Variants in DPY19L1 observed in about 807,000 individuals in gnomAD.
The protein encoded by DPY19L1 is protein C-mannosyl-transferase DPY19L1.
A neutral mutation model predicts 96.9 loss-of-function variants in DPY19L1; 35 were observed. The ratio of observed to expected loss-of-function variants is 0.36; its 90% CI spans 0.28 to 0.48. The LOEUF is 0.48. Ranked by LOEUF, DPY19L1 falls within the 20% of genes least tolerant of loss-of-function variation. The probability of loss-of-function intolerance (pLI) is 0.99; values close to 1 mark genes in which losing one functional copy is unlikely to be tolerated. For missense variants in DPY19L1, 521 were observed against 777.9 expected, an observed-to-expected ratio of 0.67 and a Z score of 3.93; for synonymous variants, 205 against 252.6, an observed-to-expected ratio of 0.81 and a Z score of 1.79.
chr7:34,983,639 A>G (rs1784987100), intron 7 of DPY19L1, among the ~76,000 whole-genome samples: 1 of 150,658 alleles, frequency 6.6e-6, no homozygotes, highest in South Asian at 2.1e-4. Context: ...ACTCCTATAC[A>G]TGGCAAGAGA....
chr7:34,937,485 C>T (rs1252037010), intron 21 of DPY19L1, among the ~76,000 whole-genome samples: 1 of 152,058 alleles, frequency 6.6e-6, no homozygotes, highest in Non-Finnish European at 1.5e-5. Flanking sequence ...ATAAAAGTTT[C>T]TTTTAAAACA....
chr7:34,969,209 A>G (rs951891738), intron 9 of DPY19L1, among the ~76,000 whole-genome samples: 1 of 152,226 alleles, frequency 6.6e-6, no homozygotes, highest in African/African-American at 2.4e-5. Context: ...GTTAGGAAGT[A>G]AATAATTAAC....
intron 7 of DPY19L1, among the ~76,000 whole-genome samples, chr7:34,985,215 C>G (rs1039764246): frequency 1.3e-5 from 2 of 152,096 alleles, no homozygotes; most frequent in African/African-American, 4.8e-5. Flanking sequence ...AATGGGGAAT[C>G]AGGAAACTTG....
At chr7:35,021,740 G>A (rs1785999389) in intron 1 of DPY19L1, among the ~76,000 whole-genome samples, 2 of 152,154 alleles carry the variant, frequency 1.3e-5, no homozygotes, top group African/African-American at 4.8e-5. Flanking sequence ...CTGCATGGCT[G>A]TTGTAGAAAG....
intron 11 of DPY19L1, among the ~76,000 whole-genome samples, chr7:34,956,338 A>C (rs1214372942): frequency 6.6e-6 from 1 of 152,198 alleles, no homozygotes; most frequent in Non-Finnish European, 1.5e-5. Flanking sequence ...CAGAGAACAC[A>C]GAACTGAAGA....
At chr7:34,945,184 C>T (rs1445408689) in intron 16 of DPY19L1, among the ~76,000 whole-genome samples, 2 of 151,744 alleles carry the variant, frequency 1.3e-5, no homozygotes, top group Non-Finnish European at 2.9e-5. Context: ...ACCAAGCATG[C>T]TATAGGCCTC....
chr7:34,935,711 A>G (rs889119095), intron 21 of DPY19L1, among the ~76,000 whole-genome samples: 2 of 152,218 alleles, frequency 1.3e-5, no homozygotes, highest in African/African-American at 2.4e-5. Context: ...CAGGCTGATC[A>G]TAACTGAAAT....
intron 6 of DPY19L1, among the ~76,000 whole-genome samples, chr7:34,992,390 C>G (rs1311618989): frequency 6.6e-6 from 1 of 152,064 alleles, no homozygotes; most frequent in Non-Finnish European, 1.5e-5. Flanking sequence ...AAAAAAACAA[C>G]CCCTTTAAGC....
At position 34,929,404 on chromosome 7, in the gene DPY19L1, C is replaced by T. The variant is rs1278917197; in HGVS notation, c.*2169G>A. ...GGGGTTACATTCATAAACACTGCTA[C>T]AAAAGGATCCTTCTGGAAAAAGCTA... On this transcript the variant is annotated 3_prime_UTR_variant, in exon 22 of 22. Transcript: ENST00000638088. 9 of 152,134 alleles carry T rather than the reference C, an allele frequency of 5.9e-5. No homozygotes were observed. Among genetic ancestry groups the T allele is most frequent in the Admixed American group, 5.9e-4 (9 of 15,276 alleles). 9.4% of individuals were successfully genotyped at this position (152,134 alleles called of 1,614,324 possible).
chr7:34,968,883 C>G (rs1460758632), intron 9 of DPY19L1, among the ~76,000 whole-genome samples: 2 of 151,638 alleles, frequency 1.3e-5, no homozygotes, highest in African/African-American at 4.9e-5. Context: ...AATTTACTCC[C>G]TCTCTCAACA....
At chr7:34,990,094 C>T (rs1785134854) in intron 6 of DPY19L1, among the ~76,000 whole-genome samples, 153 bp from the exon 7 acceptor site, 1 of 151,224 alleles carries the variant, frequency 6.6e-6, no homozygotes, top group African/African-American at 2.5e-5. Flanking sequence ...TAGTTTATTT[C>T]CTCCAAAAGA....
At chr7:34,934,170 A>G (rs886613612) in intron 21 of DPY19L1, among the ~76,000 whole-genome samples, 2 of 152,002 alleles carry the variant, frequency 1.3e-5, no homozygotes, top group Admixed American at 1.3e-4. Context: ...TCACCGTGTT[A>G]GCCAAGATGG....
At chr7:34,979,638 AC>A (rs1784898688) in intron 7 of DPY19L1, among the ~76,000 whole-genome samples, 1 of 152,114 alleles carries the variant, frequency 6.6e-6, no homozygotes, top group Admixed American at 6.5e-5. Flanking sequence ...TGTTTCTGGA[AC>A]CTTTTTGAGT....
intron 7 of DPY19L1, among the ~76,000 whole-genome samples, chr7:34,985,750 G>C (rs1289344143): frequency 1.3e-5 from 2 of 151,996 alleles, no homozygotes; most frequent in African/African-American, 2.4e-5. Flanking sequence ...AGTCATTTTA[G>C]AAAACTATGT....
chr7:34,973,671 G>T (rs376262276), intron 7 of DPY19L1, 66 bp from the exon 8 acceptor site: 19 of 821,964 alleles, frequency 2.3e-5, no homozygotes, highest in African/African-American at 2.2e-4. Context: ...AGTAAAAATT[G>T]CTATTTATAA....
intron 4 of DPY19L1, among the ~76,000 whole-genome samples, chr7:35,011,718 TAA>T (rs562257388): frequency 7.8e-4 from 119 of 152,236 alleles, no homozygotes; most frequent in East Asian, 1.9e-4. Context: ...ACAACTCTAC[TAA>T]GAGACACAAA....
At chr7:35,021,755 T>C (rs1209804674) in intron 1 of DPY19L1, among the ~76,000 whole-genome samples, 1 of 152,142 alleles carries the variant, frequency 6.6e-6, no homozygotes. Context: ...AGAAAGAGGA[T>C]GGAACAGATG....
chr7:35,019,781 C>G (rs1049904300), intron 1 of DPY19L1, among the ~76,000 whole-genome samples: 3 of 152,046 alleles, frequency 2.0e-5, no homozygotes, highest in African/African-American at 7.2e-5. Context: ...TGTCATTTGA[C>G]TTTTTTTAAT....
intron 7 of DPY19L1, among the ~76,000 whole-genome samples, chr7:34,982,662 G>A (rs1218264941): frequency 3.3e-5 from 5 of 152,228 alleles, no homozygotes; most frequent in Non-Finnish European, 7.3e-5. Context: ...ATCTGCCATA[G>A]GCAGAGAGTC....
Sources: gnomAD v4.1 joint callset for allele counts (sites outside exome capture counted in the v4.1 genomes callset) on GRCh38, gnomAD v4.1.1 for gene constraint, MANE v1.5 for transcripts, NCBI Gene and HGNC (gene_info 2026-07-23, HGNC 2026-07-21) for gene names.